Variants in PUM3 observed in about 807,000 individuals in gnomAD.
The protein encoded by PUM3 is pumilio homolog 3.
In PUM3, 91 loss-of-function variants were observed where a neutral mutation model predicts 84.0. The ratio of observed to expected loss-of-function variants is 1.08; its 90% CI spans 0.91 to 1.29. PUM3 has a LOEUF of 1.29. PUM3 is among the 50% of genes most tolerant of loss of function. The pLI is 0.00. For synonymous variants in PUM3, 321 were observed against 266.7 expected (o/e 1.20, Z -1.98); for missense variants, 1,067 against 767.5 (o/e 1.39, Z -4.61).
At chr9:2,822,702 AT>A (rs1815685469) in intron 12 of PUM3, among the ~76,000 whole-genome samples, 1 of 144,134 alleles carries the variant, frequency 6.9e-6, no homozygotes, top group East Asian at 2.0e-4. Flanking sequence ...ATGAATTATA[AT>A]TATGAATTAT....
intron 13 of PUM3, among the ~76,000 whole-genome samples, chr9:2,814,258 C>CTAACCACCTCAAAATGAATAACTAA (rs1554637029): frequency 1.3e-4 from 19 of 151,780 alleles, no homozygotes; most frequent in South Asian, 4.1e-4. Context: ...GTTGCCCAGG[C>CTAACCACCTCAAAATGAATAACTAA]TGGAGTGCAG....
intron 12 of PUM3, among the ~76,000 whole-genome samples, chr9:2,822,102 C>G (rs1415442814): frequency 6.6e-6 from 1 of 152,116 alleles, no homozygotes; most frequent in Non-Finnish European, 1.5e-5. Flanking sequence ...TAGGTGAATA[C>G]AACAGAAGGT....
intron 2 of PUM3, 21 bp downstream of exon 2, chr9:2,838,405 C>T: frequency 1.3e-6 from 2 of 1,537,696 alleles, no homozygotes; most frequent in East Asian, 2.3e-5. Context: ...GCCAAACACC[C>T]ACATGGGAAG....
In PUM3 at chr9:2,811,550, G is replaced by C. The variant is rs770576735; in HGVS notation, c.1446C>G (p.Leu482=). The change falls in exon 15 of 18, where the codon CTC becomes CTG. Residue 482 remains leucine (L), a synonymous_variant. Transcript: ENST00000397885. ...KKDTEVRRRE[L]LESISPALLS... ...ACAAAGCTGGAGAAATGGATTCTAGGAGCTCCCGTCTGCGGACCTCTGTAT... is the reference window on the plus strand; with the variant it reads ...ACAAAGCTGGAGAAATGGATTCTAGCAGCTCCCGTCTGCGGACCTCTGTAT... The C allele has an allele frequency of 8.1e-6, 13 of 1,614,086 alleles. 1 individual carries two copies. In the South Asian group the frequency reaches 1.3e-4, roughly 16 times the overall value.
Position 2,812,298 on chromosome 9 carries a change from A to C in PUM3, c.1334T>G (p.Leu445Ter). ...ATGTGCAGGATCTCTGGGGCTTAGT[A>C]AGTACAATAGGACCTTCCTTCCATA... ...DKYGRKVLLY[L>*]LSPRDPAHTV... Residue 445 changes from leucine (L) to a stop codon, truncating the protein, a stop_gained, in exon 14 of 18, where the codon TTA becomes TGA. Coordinates refer to ENST00000397885, the MANE Select transcript of PUM3 (RefSeq NM_014878.5). LOFTEE classifies it high-confidence loss of function. The C allele has an allele frequency of 6.2e-7, 1 of 1,606,174 alleles. No homozygotes were observed. The highest frequency in any genetic ancestry group is 8.5e-7 in the Non-Finnish European group (1 of 1,172,808).
Position 2,805,719 on chromosome 9 carries a change from G to A in PUM3, c.1815-1256C>T, listed in dbSNP as rs571015609. 4.4e-4 allele frequency among the ~76,000 whole-genome samples: 67 copies of A among 152,084 alleles called. 1 individual carries two copies. Among genetic ancestry groups the A allele is most frequent in the African/African-American group, 1.6e-3 (67 of 41,494 alleles). On this transcript the variant is annotated intron_variant, in intron 17 of 17. Coordinates refer to ENST00000397885, the MANE Select transcript of PUM3 (RefSeq NM_014878.5). ...CTTACTGAGCATATGCCACATATTAGACATAATGCTAGGCATTTTATATGC... is the reference window on the plus strand; with the variant it reads ...CTTACTGAGCATATGCCACATATTAAACATAATGCTAGGCATTTTATATGC...
rs2129889062 is a variant in PUM3, at chr9:2,838,520, G to A, written c.-10-3C>T. 2 of 1,608,110 alleles carry A rather than the reference G, an allele frequency of 1.2e-6. No homozygotes were observed. The highest frequency in any genetic ancestry group is 2.2e-5 in the South Asian group (2 of 90,918). On this transcript the variant is annotated splice_polypyrimidine_tract_variant and splice_region_variant and intron_variant, in intron 1 of 17. Transcript: ENST00000397885. The stretch of plus-strand genomic sequence containing the variant: ...CTTTAACTTCCATCGTAGCAACTCT[G>A]GAAAACCAAAACCAAAACCAAAAAC...
At chr9:2,819,674 G>C (rs1345943419) in intron 13 of PUM3, among the ~76,000 whole-genome samples, 2 of 152,144 alleles carry the variant, frequency 1.3e-5, no homozygotes. Flanking sequence ...GAATTACTAT[G>C]CTAGTTTCTG....
At chr9:2,835,911 TA>T (rs1443390666) in intron 3 of PUM3, among the ~76,000 whole-genome samples, 3 of 152,204 alleles carry the variant, frequency 2.0e-5, no homozygotes, top group Non-Finnish European at 4.4e-5. Context: ...GAAATTAATG[TA>T]TATGTGTTTA....
At chr9:2,833,534 GATTTT>G in intron 4 of PUM3, 102 bp from the exon 5 acceptor site, 1 of 588,862 alleles carries the variant, frequency 1.7e-6, no homozygotes, top group Non-Finnish European at 2.8e-6. Flanking sequence ...AGTTCAGCAT[GATTTT>G]CTTTTCTAAG....
intron 1 of PUM3, among the ~76,000 whole-genome samples, chr9:2,841,560 T>C (rs1345872691): frequency 1.3e-5 from 2 of 152,178 alleles, no homozygotes; most frequent in Non-Finnish European, 2.9e-5. Flanking sequence ...AGAGTGAGAC[T>C]CTATTTCAAA....
Position 2,834,172 on chromosome 9 carries a change from T to C in PUM3, c.305-6A>G, listed in dbSNP as rs950365905. 4 of 1,606,452 alleles carry C rather than the reference T, an allele frequency of 2.5e-6. No homozygotes were observed. The highest frequency in any genetic ancestry group is 2.5e-6 in the Non-Finnish European group (3 of 1,177,078). On this transcript the variant is annotated splice_region_variant and splice_polypyrimidine_tract_variant and intron_variant, in intron 3 of 17. Coordinates refer to ENST00000397885, the MANE Select transcript of PUM3 (RefSeq NM_014878.5). ...GGGCTTCTTGGCTGCTGATTCTAGT[T>C]ATTATAGAAATTATTTTCAATTACA...
At chr9:2,811,330 CT>C in intron 15 of PUM3, 30 bp downstream of exon 15, 4 of 1,605,092 alleles carry the variant, frequency 2.5e-6, no homozygotes, top group Non-Finnish European at 3.4e-6. Context: ...GCCTTTGCAG[CT>C]TTCCTGCCTG....
chr9:2,807,779 G>A, intron 17 of PUM3, 35 bp downstream of exon 17: 1 of 1,334,978 alleles, frequency 7.5e-7, no homozygotes, highest in Non-Finnish European at 1.1e-6. Flanking sequence ...TGCATGACCA[G>A]GCCCTGCTCA....
intron 12 of PUM3, among the ~76,000 whole-genome samples, chr9:2,823,282 C>G (rs1203411987): frequency 6.6e-6 from 1 of 151,878 alleles, no homozygotes; most frequent in East Asian, 1.9e-4. Flanking sequence ...TTCTAAAGAG[C>G]TATAAAATTT....
chr9:2,835,811 G>A (rs556850308), intron 3 of PUM3, among the ~76,000 whole-genome samples: 2 of 152,106 alleles, frequency 1.3e-5, no homozygotes, highest in East Asian at 1.9e-4. Context: ...ACAAAAATAT[G>A]AGAAAATGAA....
Position 2,830,993 on chromosome 9 carries a change from T to G in PUM3, c.646A>C (p.Arg216=). The change falls in exon 7 of 18, where the codon AGA becomes CGA. Residue 216 remains arginine, a synonymous_variant. Transcript: ENST00000397885. ...LVELSKAKYS[R]NIVKKFLMYG... is the part of the protein sequence containing the mutation. ...ATGAGAAATTTCTTAACAATATTTC[T>G]CGAATATTTGGCTTTACTTAACTCA... 1 of 1,492,072 alleles carries G rather than the reference T, an allele frequency of 6.7e-7. No homozygotes were observed. Among genetic ancestry groups the G allele is most frequent in the Non-Finnish European group, 9.3e-7 (1 of 1,075,232 alleles). 92.4% of individuals were successfully genotyped at this position (1,492,072 alleles called of 1,614,324 possible). A position where few individuals can be genotyped will look rare whatever the true frequency, so the allele number is the denominator to read the frequency against.
chr9:2,808,761 T>C (rs923306419), intron 16 of PUM3, among the ~76,000 whole-genome samples: 2 of 152,208 alleles, frequency 1.3e-5, no homozygotes, highest in Non-Finnish European at 1.5e-5. Flanking sequence ...TCTCCTGTCC[T>C]GTGTGCTCTT....
chr9:2,835,568 T>C (rs1051116076), intron 3 of PUM3, among the ~76,000 whole-genome samples: 8 of 126,706 alleles, frequency 6.3e-5, no homozygotes, highest in African/African-American at 1.5e-4. Flanking sequence ...TATATATTCA[T>C]TCCCTGTCTG....
Sources: gnomAD v4.1 joint callset for allele counts (sites outside exome capture counted in the v4.1 genomes callset) on GRCh38, gnomAD v4.1.1 for gene constraint, MANE v1.5 for transcripts, NCBI Gene and HGNC (gene_info 2026-07-23, HGNC 2026-07-21) for gene names.